The following ATP2B2 variants were observed in gnomAD, a reference collection of about 807,000 sequenced individuals.
The protein encoded by ATP2B2 is plasma membrane calcium-transporting ATPase 2.
In ATP2B2, 15 loss-of-function variants were observed where a neutral mutation model predicts 120.0. That is an observed-to-expected ratio of 0.12 (90% CI 0.08 to 0.19). The LOEUF is 0.19. Ranked by LOEUF, ATP2B2 falls within the 10% of genes least tolerant of loss-of-function variation. ATP2B2 has a pLI of 1.00. For missense variants in ATP2B2, 1,045 were observed against 1,719.8 expected (o/e 0.61, Z 6.94); for synonymous variants, 694 against 700.3 (o/e 0.99, Z 0.14).
At position 10,635,516 on chromosome 3, in the gene ATP2B2, C is replaced by G. The variant is rs1272409671; in HGVS notation, c.-459-15555G>C. Reference sequence around the variant, plus strand: ...ACGTGCCAGAGACTCTAAAGCCCATCCTGTTCCCCTCTCCCTCTCCAGTGT... The same window carrying G: ...ACGTGCCAGAGACTCTAAAGCCCATGCTGTTCCCCTCTCCCTCTCCAGTGT... On this transcript the variant is annotated intron_variant, in intron 1 of 21. Transcript: ENST00000646379. This position sits in a 1 kb window ranked among gnomAD's most constrained non-coding sequence, Gnocchi z 4.3. Among the ~76,000 whole-genome samples, 3 of 152,196 alleles carry G rather than the reference C, an allele frequency of 2.0e-5. No homozygotes were observed. Among genetic ancestry groups the G allele is most frequent in the Non-Finnish European group, 4.4e-5 (3 of 68,036 alleles).
At chr3:10,341,524 TG>T (rs755288606) in intron 19 of ATP2B2, among the ~76,000 whole-genome samples, 2 of 152,248 alleles carry the variant, frequency 1.3e-5, no homozygotes, top group Non-Finnish European at 2.9e-5. Context: ...TTGGCCATGC[TG>T]GTCTCGAATT....
intron 2 of ATP2B2, among the ~76,000 whole-genome samples, chr3:10,596,999 GCACACAGGCA>G (rs1445282844): frequency 2.1e-5 from 3 of 143,368 alleles, no homozygotes; most frequent in African/African-American, 8.0e-5. Context: ...AGGTGCACAC[GCACACAGGCA>G]CACACGCACA....
At chr3:10,702,573 CTGA>C (rs1415946406) in intron 1 of ATP2B2, among the ~76,000 whole-genome samples, 2 of 152,210 alleles carry the variant, frequency 1.3e-5, no homozygotes, top group Non-Finnish European at 2.9e-5. Context: ...CAGCTCATTG[CTGA>C]TGTTTGTCTT....
At chr3:10,369,939 G>A (rs557420517) in intron 12 of ATP2B2, among the ~76,000 whole-genome samples, 18 of 152,268 alleles carry the variant, frequency 1.2e-4, no homozygotes, top group African/African-American at 2.9e-4. Flanking sequence ...AAAGACAGGC[G>A]CAGGTATCTA....
At chr3:10,476,236 G>T (rs1158169778) in intron 1 of ATP2B2, among the ~76,000 whole-genome samples, 1 of 152,182 alleles carries the variant, frequency 6.6e-6, no homozygotes, top group South Asian at 2.1e-4. Flanking sequence ...AGCTGAAGCC[G>T]TGGAGAGCTT....
chr3:10,627,572 A>C (rs547997678), intron 1 of ATP2B2, among the ~76,000 whole-genome samples: 1 of 152,122 alleles, frequency 6.6e-6, no homozygotes, highest in Admixed American at 6.5e-5. Flanking sequence ...TCATCCTCCA[A>C]AATGTGAGAA....
upstream of ATP2B2, among the ~76,000 whole-genome samples, chr3:10,509,645 C>T (rs576555235): frequency 6.6e-6 from 1 of 152,332 alleles, no homozygotes; most frequent in South Asian, 2.1e-4. Flanking sequence ...AAGCACACAA[C>T]TCAGGATCTC....
intron 1 of ATP2B2, among the ~76,000 whole-genome samples, chr3:10,703,135 T>C (rs2071843873): frequency 6.6e-6 from 1 of 152,198 alleles, no homozygotes; most frequent in African/African-American, 2.4e-5. Context: ...CTGGAGACAA[T>C]CCTCAGCGGC....
At chr3:10,633,900 C>T (rs1161249250) in intron 1 of ATP2B2, among the ~76,000 whole-genome samples, 1 of 152,182 alleles carries the variant, frequency 6.6e-6, no homozygotes, top group Non-Finnish European at 1.5e-5. Context: ...TACTCACTTT[C>T]CTAGATTCCT....
chr3:10,593,332 A>T (rs1169428908), intron 2 of ATP2B2, among the ~76,000 whole-genome samples: 1 of 152,204 alleles, frequency 6.6e-6, no homozygotes, highest in Non-Finnish European at 1.5e-5. Flanking sequence ...TAAGTCATTC[A>T]CAGCCATGAG....
At chr3:10,379,350 C>A (rs542854537) in intron 8 of ATP2B2, 66 bp from the exon 9 acceptor site, 1 of 1,527,634 alleles carries the variant, frequency 6.5e-7, no homozygotes, top group Non-Finnish European at 9.1e-7. Context: ...ATCACGAAGA[C>A]GCAACAGGCC....
intron 2 of ATP2B2, among the ~76,000 whole-genome samples, chr3:10,439,743 C>G (rs948811536): frequency 6.6e-6 from 1 of 151,968 alleles, no homozygotes; most frequent in African/African-American, 2.4e-5. Flanking sequence ...AGGCCGGGCA[C>G]AGTGGCTCAT....
intron 1 of ATP2B2, among the ~76,000 whole-genome samples, chr3:10,471,794 A>G (rs1217573165): frequency 6.6e-6 from 1 of 152,176 alleles, no homozygotes; most frequent in Admixed American, 6.5e-5. Context: ...AAAAAAATTA[A>G]TAATAATTTT....
intron 2 of ATP2B2, among the ~76,000 whole-genome samples, chr3:10,605,492 G>T (rs563608466): frequency 3.3e-5 from 5 of 152,250 alleles, no homozygotes; most frequent in African/African-American, 4.8e-5. Context: ...AGGGCAGGCT[G>T]GGGGGAAACT....
At position 10,329,430 on chromosome 3, in the gene ATP2B2, A is replaced by C. The variant is rs547846415; in HGVS notation, c.3421-305T>G. 6.6e-6 allele frequency among the ~76,000 whole-genome samples: 1 copy of C among 151,750 alleles called. No individual in the cohort carries two copies. The highest frequency in any genetic ancestry group is 2.4e-5 in the African/African-American group (1 of 41,352). On this transcript the variant is annotated intron_variant, in intron 22 of 22. Transcript: ENST00000360273. The surrounding 1 kb of genome is among the most constrained non-coding windows in gnomAD (Gnocchi z 5.9). ...ACAGTGGTTAAAGGAAGCACAGTCG[A>C]CTCCTGCGGGCACCCACACCTAGTG...
intron 2 of ATP2B2, among the ~76,000 whole-genome samples, chr3:10,560,439 C>A (rs560678146): frequency 3.0e-4 from 45 of 150,704 alleles, no homozygotes; most frequent in African/African-American, 1.1e-3. Context: ...TCAGCTGGGC[C>A]GTCTTCTGAG....
chr3:10,633,526 T>C lies in ATP2B2; in HGVS notation c.-459-13565A>G, dbSNP rs138559749. On this transcript the variant is annotated intron_variant, in intron 1 of 21. Coordinates refer to the ATP2B2 transcript ENST00000646379. ...CATCTATTAGTCACTAACACTTTAGTATGAATTTCTTCACATCAAATGCCT... is the reference window on the plus strand; with the variant it reads ...CATCTATTAGTCACTAACACTTTAGCATGAATTTCTTCACATCAAATGCCT... 4.1e-3 allele frequency among the ~76,000 whole-genome samples: 626 copies of C among 152,328 alleles called. 6 individuals are homozygous for C. Among genetic ancestry groups the C allele is most frequent in the African/African-American group, 0.014 (594 of 41,566 alleles).
chr3:10,353,468 G>T (rs1029170762), intron 14 of ATP2B2, among the ~76,000 whole-genome samples: 4 of 152,208 alleles, frequency 2.6e-5, no homozygotes, highest in African/African-American at 7.2e-5. Flanking sequence ...GGCAGAGAAG[G>T]CCTGAGGTAT....
chr3:10,386,828 A>C (rs2061695452), intron 6 of ATP2B2, among the ~76,000 whole-genome samples: 1 of 152,120 alleles, frequency 6.6e-6, no homozygotes, highest in Non-Finnish European at 1.5e-5. Context: ...TTTTTCTGAC[A>C]TCTCCATCTC....
Sources: gnomAD v4.1 joint callset for allele counts (sites outside exome capture counted in the v4.1 genomes callset) on GRCh38, gnomAD v4.1.1 for gene constraint, Gnocchi (gnomAD v3.1) non-coding constraint, MANE v1.5 for transcripts, NCBI Gene and HGNC (gene_info 2026-07-23, HGNC 2026-07-21) for gene names.